The following PTPRO variants were observed in gnomAD, a reference collection of about 807,000 sequenced individuals.
The protein encoded by PTPRO is protein tyrosine phosphatase receptor type O, also known as receptor-type tyrosine-protein phosphatase O.
PTPRO carries 62 observed loss-of-function variants against 145.2 expected under a neutral mutation model. The observed-to-expected ratio is 0.43, with a 90% confidence interval of 0.35 to 0.53. The LOEUF is 0.53. PTPRO is among the 20% of genes least tolerant of loss of function. PTPRO has a pLI of 0.01. For synonymous variants in PTPRO, 565 were observed against 514.7 expected (o/e 1.10, Z -1.32); for missense variants, 1,345 against 1,482.7 (o/e 0.91, Z 1.53).
intron 7 of PTPRO, among the ~76,000 whole-genome samples, chr12:15,511,474 T>C (rs908807883): frequency 6.6e-6 from 1 of 152,222 alleles, no homozygotes; most frequent in African/African-American, 2.4e-5. Context: ...TTTTAAGTAA[T>C]ATGATGTATA....
intron 1 of PTPRO, among the ~76,000 whole-genome samples, chr12:15,325,917 C>A (rs1866432705): frequency 2.0e-5 from 3 of 152,166 alleles, no homozygotes; most frequent in Admixed American, 2.0e-4. Context: ...CCCCTTCTCT[C>A]TATTTCTTTC....
At chr12:15,447,192 A>G (rs1428792581) in intron 1 of PTPRO, among the ~76,000 whole-genome samples, 4 of 152,170 alleles carry the variant, frequency 2.6e-5, no homozygotes, top group Admixed American at 2.0e-4. Flanking sequence ...AAATAGAATA[A>G]CAACAAACGG....
At chr12:15,371,051 G>T (rs992793517) in intron 1 of PTPRO, among the ~76,000 whole-genome samples, 10 of 152,050 alleles carry the variant, frequency 6.6e-5, no homozygotes, top group Non-Finnish European at 1.0e-4. Context: ...GTTATAATCT[G>T]GATCTTCAGC....
At chr12:15,439,651 G>A in intron 1 of PTPRO, 1 of 413,958 alleles carries the variant, frequency 2.4e-6, no homozygotes, top group Admixed American at 2.8e-5. Flanking sequence ...GCCATGGACA[G>A]AGCTGGGGCT....
intron 12 of PTPRO, among the ~76,000 whole-genome samples, chr12:15,538,858 T>A (rs1443713396): frequency 2.0e-5 from 3 of 152,026 alleles, no homozygotes; most frequent in Admixed American, 6.5e-5. Flanking sequence ...ACAAACAAAT[T>A]GTGTTACCAT....
At chr12:15,337,521 C>T (rs1279307925) in intron 1 of PTPRO, 2 of 152,164 alleles carry the variant, frequency 1.3e-5, no homozygotes, top group Non-Finnish European at 2.9e-5. Flanking sequence ...ACTAGTTCCT[C>T]GCCCATCTCA....
At chr12:15,517,899 AC>A (rs1421461578) in intron 9 of PTPRO, among the ~76,000 whole-genome samples, 2 of 152,202 alleles carry the variant, frequency 1.3e-5, no homozygotes, top group African/African-American at 2.4e-5. Flanking sequence ...TTCCAGGTGC[AC>A]AGTGCAAGCT....
chr12:15,506,323 CAGG>C (rs1942320786), intron 6 of PTPRO, among the ~76,000 whole-genome samples: 1 of 152,146 alleles, frequency 6.6e-6, no homozygotes, highest in Non-Finnish European at 1.5e-5. Context: ...ACTCAAGAGA[CAGG>C]AGGTCTGGGT....
At chr12:15,389,566 C>T (rs373237055) in intron 1 of PTPRO, among the ~76,000 whole-genome samples, 3 of 152,170 alleles carry the variant, frequency 2.0e-5, no homozygotes, top group African/African-American at 7.2e-5. Flanking sequence ...ATGTTCCCCA[C>T]ATATTGCTGT....
chr12:15,504,119 G>A (rs749272306), intron 6 of PTPRO, 50 bp downstream of exon 6: 4 of 1,536,226 alleles, frequency 2.6e-6, no homozygotes, highest in Non-Finnish European at 1.8e-6. Flanking sequence ...TAGAACAATG[G>A]AACTGGTGGG....
chr12:15,433,855 A>C (rs950260857), intron 1 of PTPRO, among the ~76,000 whole-genome samples: 5 of 152,048 alleles, frequency 3.3e-5, no homozygotes, highest in African/African-American at 1.2e-4. Flanking sequence ...TTTTTATTCT[A>C]TATGAATTTT....
chr12:15,487,759 A>G (rs977280355), intron 2 of PTPRO, among the ~76,000 whole-genome samples: 1 of 152,146 alleles, frequency 6.6e-6, no homozygotes, highest in African/African-American at 2.4e-5. Context: ...GATGATGGAA[A>G]TGTTCTATGT....
chr12:15,521,412 C>A (rs970939251), intron 10 of PTPRO, among the ~76,000 whole-genome samples: 4 of 152,132 alleles, frequency 2.6e-5, no homozygotes, highest in African/African-American at 7.2e-5. Flanking sequence ...ACTTGGCAAG[C>A]GCTGTTAGTC....
intron 12 of PTPRO, among the ~76,000 whole-genome samples, chr12:15,528,147 C>A (rs1360321174): frequency 6.6e-6 from 1 of 151,684 alleles, no homozygotes; most frequent in Non-Finnish European, 1.5e-5. Flanking sequence ...GAGCTAAAAG[C>A]CTATCTGAAA....
chr12:15,492,004 T>C (rs1166421744), intron 2 of PTPRO, among the ~76,000 whole-genome samples: 1 of 152,170 alleles, frequency 6.6e-6, no homozygotes, highest in Admixed American at 6.5e-5. Context: ...AGGAGACACA[T>C]ATTCATCTTA....
intron 19 of PTPRO, among the ~76,000 whole-genome samples, chr12:15,571,444 T>C (rs1169362263): frequency 3.3e-5 from 5 of 152,164 alleles, no homozygotes; most frequent in African/African-American, 1.2e-4. Flanking sequence ...CCCACCACCA[T>C]GCCCGGCTAA....
chr12:15,500,261 T>C (rs1359336505), intron 4 of PTPRO, among the ~76,000 whole-genome samples: 1 of 152,234 alleles, frequency 6.6e-6, no homozygotes, highest in African/African-American at 2.4e-5. Context: ...GAAGGGATTA[T>C]GATAGATTAC....
intron 1 of PTPRO, among the ~76,000 whole-genome samples, chr12:15,328,705 A>G (rs886701524): frequency 1.3e-5 from 2 of 152,226 alleles, no homozygotes; most frequent in Non-Finnish European, 2.9e-5. Context: ...AAACAAATAC[A>G]CTGCAATTCT....
At chr12:15,548,501 A>G (rs1256960700) in intron 13 of PTPRO, among the ~76,000 whole-genome samples, 1 of 151,050 alleles carries the variant, frequency 6.6e-6, no homozygotes, top group Non-Finnish European at 1.5e-5. Flanking sequence ...ACATGCATAT[A>G]TTGTGTGTAT....
Sources: gnomAD v4.1 joint callset for allele counts (sites outside exome capture counted in the v4.1 genomes callset) on GRCh38, gnomAD v4.1.1 for gene constraint, MANE v1.5 for transcripts, NCBI Gene and HGNC (gene_info 2026-07-23, HGNC 2026-07-21) for gene names.